CSMD1: variants seen among roughly 807,000 people sequenced by gnomAD.
The protein encoded by CSMD1 is CUB and sushi domain-containing protein 1.
CSMD1 carries 213 observed loss-of-function variants against 417.5 expected under a neutral mutation model. The observed-to-expected ratio is 0.51, with a 90% CI of 0.46 to 0.57. The LOEUF is 0.57. Among genes scored for constraint, CSMD1 ranks in the 20% least tolerant of loss-of-function variants. The pLI, the probability that CSMD1 is intolerant of heterozygous loss-of-function variation, is 0.00. For synonymous variants in CSMD1, 2,862 were observed against 1,736.8 expected, an observed-to-expected ratio of 1.65 and a Z score of -16.11; for missense variants, 6,923 against 4,529.7, an observed-to-expected ratio of 1.53 and a Z score of -15.17.
intron 30 of CSMD1, among the ~76,000 whole-genome samples, chr8:3,211,446 G>C (rs950645092): frequency 6.6e-6 from 1 of 152,208 alleles, no homozygotes; most frequent in Admixed American, 6.5e-5. Flanking sequence ...AGAGATCGAG[G>C]TTGCATGCTC....
At position 4,257,178 on chromosome 8, in the gene CSMD1, A is replaced by C. The variant is rs546749932; in HGVS notation, c.415+162775T>G. Among the ~76,000 whole-genome samples the C allele has an allele frequency of 2.2e-5, 3 of 136,092 alleles. No individual in the cohort carries two copies. The East Asian group carries it at 6.7e-4, about 30-fold the overall frequency. The allele number at this position is 136,092 out of a possible 152,430, so 89.3% of individuals were successfully genotyped here. Reference sequence around the variant, plus strand: ...ACTAAAAGTTTGACCTTGAGTTATAAATTATGGTACTACATTTTTAAGCAT... The same window carrying C: ...ACTAAAAGTTTGACCTTGAGTTATACATTATGGTACTACATTTTTAAGCAT... On this transcript the variant is annotated intron_variant, in intron 3 of 69. Transcript: ENST00000635120.
intron 2 of CSMD1, among the ~76,000 whole-genome samples, chr8:4,493,374 AG>A (rs1436999080): frequency 6.6e-6 from 1 of 152,122 alleles, no homozygotes; most frequent in Non-Finnish European, 1.5e-5. Flanking sequence ...AGTTTGGTAA[AG>A]GATTACTACT....
chr8:4,079,047 C>T lies in CSMD1; in HGVS notation c.416-46948G>A, dbSNP rs76640540. ...TTGTGTCCAGGTATGGACCCGACCA[C>T]AAGAGTGGTCCCGAATGGAACTTAT... On this transcript the variant is annotated intron_variant, in intron 3 of 69. Coordinates refer to ENST00000635120, the MANE Select transcript of CSMD1 (RefSeq NM_033225.6). Among the ~76,000 whole-genome samples, 592 of 151,446 alleles carry T rather than the reference C, an allele frequency of 3.9e-3. 15 individuals are homozygous for T. The East Asian group carries it at 0.061, about 16-fold the overall frequency.
intron 1 of CSMD1, among the ~76,000 whole-genome samples, chr8:4,905,204 A>G (rs1805162616): frequency 6.6e-6 from 1 of 152,060 alleles, no homozygotes; most frequent in Non-Finnish European, 1.5e-5. Context: ...TTGATATCTC[A>G]TCTGTGATTT....
chr8:2,946,219 T>C (rs972081730), intron 68 of CSMD1, among the ~76,000 whole-genome samples: 1 of 152,194 alleles, frequency 6.6e-6, no homozygotes, highest in African/African-American at 2.4e-5. Context: ...TTGACCAAAA[T>C]GTCATTATGC....
At chr8:4,710,120 T>G (rs919089901) in intron 1 of CSMD1, among the ~76,000 whole-genome samples, 6 of 152,080 alleles carry the variant, frequency 3.9e-5, no homozygotes, top group Non-Finnish European at 7.4e-5. Flanking sequence ...CTGATAACCT[T>G]CGCCTGGAGG....
chr8:4,070,647 G>A lies in CSMD1; in HGVS notation c.416-38548C>T, dbSNP rs557094104. On this transcript the variant is annotated intron_variant, in intron 3 of 69. Coordinates refer to ENST00000635120, the MANE Select transcript of CSMD1 (RefSeq NM_033225.6). ...GCTGGGATTACAGGCGTGAGCCACC[G>A]TGCCCGGCCACCACCTATAACACTC... Among the ~76,000 whole-genome samples the A allele has an allele frequency of 9.8e-4, 149 of 152,150 alleles. 1 individual carries two copies. The highest frequency in any genetic ancestry group is 2.3e-3 in the African/African-American group (95 of 41,524).
Position 3,157,895 on chromosome 8 carries a change from A to G in CSMD1, c.5914+2T>C. 6.4e-7 allele frequency: 1 copy of G among 1,552,528 alleles called. No individual in the cohort carries two copies. Among genetic ancestry groups the G allele is most frequent in the Non-Finnish European group, 8.7e-7 (1 of 1,147,194 alleles). ...GCAGAGTTACAGAAGGTGCATCCTT[A>G]CCAATGCACAGGGGAGACGGATAGT... On this transcript the variant is annotated splice_donor_variant, in intron 39 of 69. Transcript: ENST00000635120. LOFTEE classifies it high-confidence loss of function.
chr8:3,970,699 TCC>T (rs1224966190), intron 5 of CSMD1, among the ~76,000 whole-genome samples: 1 of 152,178 alleles, frequency 6.6e-6, no homozygotes, highest in Non-Finnish European at 1.5e-5. Flanking sequence ...TATTTATATG[TCC>T]ATGAATGAGG....
chr8:4,288,784 C>G (rs971618091), intron 3 of CSMD1, among the ~76,000 whole-genome samples: 2 of 152,186 alleles, frequency 1.3e-5, no homozygotes, highest in African/African-American at 4.8e-5. Flanking sequence ...CCTGTCAGGT[C>G]TACGTAGCAG....
intron 1 of CSMD1, among the ~76,000 whole-genome samples, chr8:4,640,740 A>G (rs1001941214): frequency 1.3e-5 from 2 of 152,022 alleles, no homozygotes; most frequent in South Asian, 4.1e-4. Flanking sequence ...AATCCCTTGT[A>G]AGTACCTTTG....
chr8:4,389,158 T>A (rs1276775512), intron 3 of CSMD1, among the ~76,000 whole-genome samples: 1 of 152,226 alleles, frequency 6.6e-6, no homozygotes, highest in African/African-American at 2.4e-5. Context: ...TTTCATTAAT[T>A]TAAAACACAA....
intron 5 of CSMD1, among the ~76,000 whole-genome samples, chr8:3,956,527 G>T (rs932891097): frequency 2.0e-5 from 3 of 152,206 alleles, no homozygotes; most frequent in Non-Finnish European, 4.4e-5. Context: ...TGGAAACTCA[G>T]TAAAAATAAT....
At chr8:3,560,090 C>A (rs570413823) in intron 10 of CSMD1, among the ~76,000 whole-genome samples, 1 of 151,982 alleles carries the variant, frequency 6.6e-6, no homozygotes, top group African/African-American at 2.4e-5. Context: ...AGAAAAGACA[C>A]CCAGAGATTC....
chr8:4,428,372 T>A (rs1797683978), intron 2 of CSMD1, among the ~76,000 whole-genome samples: 1 of 152,204 alleles, frequency 6.6e-6, no homozygotes, highest in African/African-American at 2.4e-5. Flanking sequence ...TAATTCTAGG[T>A]AGCTTGTTAT....
chr8:3,021,145 G>C (rs953650572), intron 51 of CSMD1, among the ~76,000 whole-genome samples: 3 of 152,180 alleles, frequency 2.0e-5, no homozygotes, highest in Admixed American at 2.0e-4. Flanking sequence ...TTCAATGGTA[G>C]AGAAGCAAGA....
rs148773376 is a variant in CSMD1 at position 3,523,514 on chromosome 8, C to A, written c.1345-29788G>T. On this transcript the variant is annotated intron_variant, in intron 10 of 69. Transcript: ENST00000635120. ...GGCTGGCAGCAGAAAGGTGATCTGA[C>A]GTGAAAATATGCACACACACACGCA... 2.8e-3 allele frequency among the ~76,000 whole-genome samples: 430 copies of A among 152,204 alleles called. 5 individuals carry two copies. Among genetic ancestry groups the A allele is most frequent in the Non-Finnish European group, 3.5e-3 (239 of 68,008 alleles).
chr8:4,610,228 A>G lies in CSMD1; in HGVS notation c.302+27114T>C, dbSNP rs77805091. ...ACTTGGGGATACAGATGCAAGAAAG[A>G]GAGACTAAATCCTTCATAGAGATCA... On this transcript the variant is annotated intron_variant, in intron 2 of 69. Transcript: ENST00000635120. Among the ~76,000 whole-genome samples the G allele has an allele frequency of 5.1e-4, 77 of 152,276 alleles. No homozygotes were observed. The East Asian group carries it at 0.014, about 28-fold the overall frequency.
chr8:3,252,019 A>T lies in CSMD1; in HGVS notation c.4154-21788T>A, dbSNP rs556072028. The stretch of plus-strand genomic sequence containing the variant: ...ATCATGTCATCTGCAAACAGGGACA[A>T]TTTGACTTCCTCTTTTCCTAATTGA... On this transcript the variant is annotated intron_variant, in intron 26 of 69. Coordinates refer to ENST00000635120, the MANE Select transcript of CSMD1 (RefSeq NM_033225.6). Among the ~76,000 whole-genome samples, 11 of 152,334 alleles carry T rather than the reference A, an allele frequency of 7.2e-5. No homozygotes were observed. The East Asian group carries it at 1.9e-3, about 27-fold the overall frequency.
Sources: allele counts gnomAD v4.1 joint callset (sites outside exome capture counted in the v4.1 genomes callset), GRCh38; gene constraint gnomAD v4.1.1; transcripts MANE v1.5; gene names NCBI Gene and HGNC (gene_info 2026-07-23, HGNC 2026-07-21).